Variants in AUTS2 observed in about 807,000 individuals in gnomAD.
The protein encoded by AUTS2 is activator of transcription and developmental regulator AUTS2.
AUTS2 carries 17 observed loss-of-function variants against 112.4 expected under a neutral mutation model. The ratio of observed to expected loss-of-function variants is 0.15; its 90% CI spans 0.10 to 0.23. The LOEUF is 0.23. Among genes scored for constraint, AUTS2 ranks in the 10% least tolerant of loss-of-function variants. The pLI, the probability that AUTS2 is intolerant of heterozygous loss-of-function variation, is 1.00. For synonymous variants in AUTS2, 751 were observed against 702.7 expected, an observed-to-expected ratio of 1.07 and a Z score of -1.09; for missense variants, 1,510 against 1,701.6, an observed-to-expected ratio of 0.89 and a Z score of 1.98.
At chr7:70,486,012 T>C (rs200422362) in intron 5 of AUTS2, among the ~76,000 whole-genome samples, 5 of 110,158 alleles carry the variant, frequency 4.5e-5, no homozygotes, top group Non-Finnish European at 1.0e-4. Flanking sequence ...AATAAATAAA[T>C]AAATAAATAA....
At chr7:70,120,820 A>T (rs1051371163) in intron 3 of AUTS2, among the ~76,000 whole-genome samples, 31 of 152,306 alleles carry the variant, frequency 2.0e-4, no homozygotes, top group African/African-American at 7.5e-4. Context: ...TAATTCCAAC[A>T]ATCTTTTTTT....
chr7:69,697,168 C>G (rs904390976), intron 1 of AUTS2, among the ~76,000 whole-genome samples: 22 of 152,332 alleles, frequency 1.4e-4, no homozygotes, highest in Middle Eastern at 3.4e-3. Context: ...ATTTGCATTT[C>G]TCATGTGGCC....
At chr7:70,066,660 C>T (rs1275527749) in intron 2 of AUTS2, among the ~76,000 whole-genome samples, 2 of 151,772 alleles carry the variant, frequency 1.3e-5, no homozygotes, top group African/African-American at 4.8e-5. Flanking sequence ...TGCTTCAGCC[C>T]TCCTGAATAG....
chr7:69,855,936 C>T lies in AUTS2; in HGVS notation c.310-43350C>T, dbSNP rs188807126. Among the ~76,000 whole-genome samples, 5 of 152,192 alleles carry T rather than the reference C, an allele frequency of 3.3e-5. No homozygotes were observed. The East Asian group carries it at 9.7e-4, about 29-fold the overall frequency. On this transcript the variant is annotated intron_variant, in intron 1 of 18. Coordinates refer to ENST00000342771, the MANE Select transcript of AUTS2 (RefSeq NM_015570.4). The stretch of plus-strand genomic sequence containing the variant: ...GGGACCTTAGGTTGGCTAATTTTAC[C>T]ATGGCATGACTTCCATTTTTAAGAG...
chr7:70,727,007 G>T (rs555187692), intron 6 of AUTS2, among the ~76,000 whole-genome samples: 2 of 152,250 alleles, frequency 1.3e-5, no homozygotes, highest in South Asian at 2.1e-4. Flanking sequence ...TCACTTCTCC[G>T]TGCCAGCTTT....
chr7:69,882,541 A>G (rs1794100802), intron 1 of AUTS2, among the ~76,000 whole-genome samples: 1 of 152,134 alleles, frequency 6.6e-6, no homozygotes, highest in Non-Finnish European at 1.5e-5. Context: ...GTCTGTGTTG[A>G]GTCCTGGTAT....
intron 5 of AUTS2, among the ~76,000 whole-genome samples, chr7:70,617,417 C>T (rs763285421): frequency 2.0e-5 from 3 of 152,264 alleles, no homozygotes; most frequent in Non-Finnish European, 2.9e-5. Flanking sequence ...AATCCCAGCA[C>T]TTTGGGAGGC....
chr7:70,509,780 A>C (rs1799109114), intron 5 of AUTS2, among the ~76,000 whole-genome samples: 1 of 152,188 alleles, frequency 6.6e-6, no homozygotes, highest in African/African-American at 2.4e-5. Flanking sequence ...GGTACTGTGC[A>C]CTTGTTTGAG....
chr7:70,523,991 A>C (rs1030097815), intron 5 of AUTS2, among the ~76,000 whole-genome samples: 3 of 152,182 alleles, frequency 2.0e-5, no homozygotes, highest in Admixed American at 1.3e-4. Context: ...TGGCTATAAA[A>C]TTTTCTCTTA....
chr7:69,707,910 A>T (rs1009024048), intron 1 of AUTS2, among the ~76,000 whole-genome samples: 3 of 152,172 alleles, frequency 2.0e-5, no homozygotes, highest in Non-Finnish European at 4.4e-5. Context: ...GTCGTGTATC[A>T]TGTACAGCCA....
intron 3 of AUTS2, among the ~76,000 whole-genome samples, chr7:70,125,417 T>C (rs533235031): frequency 2.5e-4 from 38 of 152,282 alleles, no homozygotes; most frequent in Non-Finnish European, 4.3e-4. Flanking sequence ...CCACTGTAGA[T>C]TGTGGGAAAA....
At chr7:70,393,315 G>A (rs995945051) in intron 4 of AUTS2, among the ~76,000 whole-genome samples, 5 of 152,312 alleles carry the variant, frequency 3.3e-5, no homozygotes, top group East Asian at 1.9e-4. Flanking sequence ...GATTCCCAGC[G>A]CATGTGTGCT....
chr7:70,394,783 A>G (rs763363429), intron 4 of AUTS2, among the ~76,000 whole-genome samples: 89 of 151,920 alleles, frequency 5.9e-4, no homozygotes, highest in Non-Finnish European at 1.0e-3. Flanking sequence ...CCCTAATCAT[A>G]AAAGCTACTA....
chr7:69,908,926 G>C (rs1166101808), intron 2 of AUTS2, among the ~76,000 whole-genome samples: 1 of 152,172 alleles, frequency 6.6e-6, no homozygotes. Flanking sequence ...TTAAAATGCA[G>C]ATTCCCAGGT....
intron 5 of AUTS2, among the ~76,000 whole-genome samples, chr7:70,568,166 C>T (rs1801783841): frequency 1.3e-5 from 2 of 152,190 alleles, no homozygotes; most frequent in African/African-American, 4.8e-5. Flanking sequence ...CTTTTCTTTG[C>T]ACATGTTCAC....
At chr7:69,820,094 G>A (rs536600856) in intron 1 of AUTS2, among the ~76,000 whole-genome samples, 1 of 152,232 alleles carries the variant, frequency 6.6e-6, no homozygotes, top group East Asian at 1.9e-4. Context: ...TCAATCAGAT[G>A]GTACTGCCTG....
chr7:70,773,171 T>C (rs885415), intron 11 of AUTS2, among the ~76,000 whole-genome samples: 138,729 of 151,952 alleles, frequency 0.91, 64,066 homozygotes, highest in East Asian at 1. Flanking sequence ...TTCATTCTTT[T>C]CCCCCCCTTC....
chr7:69,762,293 C>CTTTTTTTTT lies in AUTS2; in HGVS notation c.310-136970_310-136962dup, dbSNP rs534032498. Among the ~76,000 whole-genome samples, 14 of 61,596 alleles carry CTTTTTTTTT rather than the reference C, an allele frequency of 2.3e-4. 1 individual carries two copies. The highest frequency in any genetic ancestry group is 3.9e-4 in the African/African-American group (6 of 15,410). The allele number at this position is 61,596 out of a possible 152,430, so 40.4% of individuals were successfully genotyped here. ...TTCCCAAACATTTTAGCCAAGTTGT[C>CTTTTTTTTT]TTTTTTTTTTTTTTTTTTTTTTTTT... On this transcript the variant is annotated intron_variant, in intron 1 of 18. Coordinates refer to ENST00000342771, the MANE Select transcript of AUTS2 (RefSeq NM_015570.4).
intron 2 of AUTS2, among the ~76,000 whole-genome samples, chr7:69,908,408 A>G (rs928906833): frequency 6.6e-6 from 1 of 152,262 alleles, no homozygotes; most frequent in Non-Finnish European, 1.5e-5. Flanking sequence ...AGGCAGATAT[A>G]ACTTTGTTAT....
Sources: allele counts gnomAD v4.1 joint callset (sites outside exome capture counted in the v4.1 genomes callset), GRCh38; gene constraint gnomAD v4.1.1; transcripts MANE v1.5; gene names NCBI Gene and HGNC (gene_info 2026-07-23, HGNC 2026-07-21).